LUZP4: variants seen among roughly 807,000 people sequenced by gnomAD.
LUZP4 encodes HOM-TES-85 tumor antigen.
In LUZP4, 11 loss-of-function variants were observed where a neutral mutation model predicts 8.5. The ratio of observed to expected loss-of-function variants is 1.30; its 90% CI spans 0.82 to 2.14. The LOEUF (loss-of-function observed/expected upper bound fraction) is 2.14, where lower values mean the gene tolerates loss of function less well. Among genes scored for constraint, LUZP4 ranks in the 30% most tolerant of loss-of-function variants. The pLI is 0.00. For missense variants in LUZP4, 276 were observed against 229.7 expected, an observed-to-expected ratio of 1.20 and a Z score of -1.30; for synonymous variants, 104 against 79.4, an observed-to-expected ratio of 1.31 and a Z score of -1.65.
intron 3 of LUZP4, 49 bp downstream of exon 3, chrX:115,303,467 A>C: frequency 3.3e-6 from 2 of 601,560 alleles, no homozygotes; most frequent in South Asian, 9.4e-5. Context: ...TACATTTACT[A>C]TATTTCCTAA....
At chrX:115,297,570 T>C (rs782253579) in intron 1 of LUZP4, among the ~76,000 whole-genome samples, 1 of 112,026 alleles carries the variant, frequency 8.9e-6, no homozygotes, top group East Asian at 2.8e-4. Flanking sequence ...CAGCACTTTA[T>C]ATCAGCCCAC....
chrX:115,295,091 A>AT (rs1450911051), intron 1 of LUZP4, among the ~76,000 whole-genome samples: 1 of 111,055 alleles, frequency 9.0e-6, no homozygotes, highest in African/African-American at 3.3e-5. Context: ...CTTTTATTTA[A>AT]TTTTTTGAGA....
At chrX:115,303,763 C>T (rs2073408512) in intron 3 of LUZP4, among the ~76,000 whole-genome samples, 1 of 111,719 alleles carries the variant, frequency 9.0e-6, no homozygotes, top group Non-Finnish European at 1.9e-5. Flanking sequence ...GTTTTAGTAT[C>T]TTTGTGAATG....
rs933199469 is a variant in LUZP4 at position 115,300,404 on chromosome X, C to T, written c.92-1588C>T. ...ATAGCTGATGAGCTAAAAAAAATTG[C>T]AGAAAAAATCTCATAATGTTTTAAG... On this transcript the variant is annotated intron_variant, in intron 1 of 3. Coordinates refer to ENST00000371920, the MANE Select transcript of LUZP4 (RefSeq NM_016383.5). 1.2e-4 allele frequency among the ~76,000 whole-genome samples: 14 copies of T among 112,305 alleles called. No homozygotes were observed. In the Admixed American group the frequency reaches 1.3e-3, roughly 11 times the overall value.
At chrX:115,303,217 A>G in intron 2 of LUZP4, 83 bp from the exon 3 acceptor site, 2 of 550,113 alleles carry the variant, frequency 3.6e-6, no homozygotes, top group Non-Finnish European at 5.8e-6. Flanking sequence ...CATAGCCTTA[A>G]AAAAATGAGA....
At position 115,306,484 on chromosome X, in the gene LUZP4, T is replaced by C; in HGVS notation, c.622T>C (p.Ser208Pro). 2 of 1,207,896 alleles carry C rather than the reference T, an allele frequency of 1.7e-6. No individual in the cohort carries two copies. Among genetic ancestry groups the C allele is most frequent in the Non-Finnish European group, 2.2e-6 (2 of 893,214 alleles). ...TCAATCTGAGAGATCTCATGGCCAC[T>C]CAGAGAGATCTCATGGTCACTCAGA... ...HGQSERSHGH[S>P]ERSHGHSERS... Residue 208 changes from serine (S) to proline (P), a missense_variant, in exon 4 of 4, where the codon TCA becomes CCA. Transcript: ENST00000371920.
Position 115,306,448 on chromosome X carries a change from A to G in LUZP4, c.586A>G (p.Arg196Gly). ...TGAGAGATCTCATGGCCAATACAAG[A>G]GATCTCATGGTCAATCTGAGAGATC... The part of the protein sequence containing the change: ...QYERSHGQYK[R>G]SHGQSERSHG... The change falls in exon 4 of 4, where the codon AGA (arginine) becomes GGA (glycine). Residue 196 changes from arginine (R) to glycine (G), a missense_variant. Physicochemically the swap from Arg to Gly is moderately radical, Grantham distance 125. Transcript: ENST00000371920. 8.3e-7 allele frequency: 1 copy of G among 1,211,727 alleles called. No homozygotes were observed. Among genetic ancestry groups the G allele is most frequent in the Non-Finnish European group, 1.1e-6 (1 of 895,458 alleles).
rs1233674385 is a variant in LUZP4, at chrX:115,306,561, T to C, written c.699T>C (p.Arg233=). The C allele has an allele frequency of 2.5e-6, 3 of 1,206,411 alleles. No homozygotes were observed. The African/African-American group carries it at 5.3e-5, about 21-fold the overall frequency. The stretch of plus-strand genomic sequence containing the variant: ...CTCATGGTCACTCAAAGAGATCTCG[T>C]AGCCAGGGAGATCTTGTGGACACTC... ...ERSHGHSKRS[R]SQGDLVDTQS... is the part of the protein sequence containing the mutation. Residue 233 remains arginine, a synonymous_variant, in exon 4 of 4, where the codon CGT becomes CGC. Transcript: ENST00000371920.
intron 2 of LUZP4, among the ~76,000 whole-genome samples, chrX:115,302,955 A>C (rs1165225664): frequency 8.9e-6 from 1 of 112,458 alleles, no homozygotes; most frequent in Non-Finnish European, 1.9e-5. Flanking sequence ...AAATATTCAC[A>C]TGATTAATAC....
intron 2 of LUZP4, among the ~76,000 whole-genome samples, chrX:115,302,838 T>C (rs2073403797): frequency 8.9e-6 from 1 of 112,569 alleles, no homozygotes; most frequent in Non-Finnish European, 1.9e-5. Flanking sequence ...CCCATTCTTA[T>C]GTGCCTAACC....
Position 115,306,893 on chromosome X carries a change from T to A in LUZP4, c.*89T>A. On this transcript the variant is annotated 3_prime_UTR_variant, in exon 4 of 4. Coordinates refer to ENST00000371920, the MANE Select transcript of LUZP4 (RefSeq NM_016383.5). ...AAATATGTATTTGTTGAAACATGTA[T>A]ATTGGGACAAAGACATAAATATTAG... The A allele has an allele frequency of 1.2e-6, 1 of 855,866 alleles. No homozygotes were observed. The highest frequency in any genetic ancestry group is 1.7e-6 in the Non-Finnish European group (1 of 597,530). The allele number at this position is 855,866 out of a possible 1,213,427, so 70.5% of individuals were successfully genotyped here. A position where few individuals can be genotyped will look rare whatever the true frequency, so the allele number is the denominator to read the frequency against.
chrX:115,305,439 A>C (rs1214365909), intron 3 of LUZP4, among the ~76,000 whole-genome samples: 2 of 112,428 alleles, frequency 1.8e-5, no homozygotes, highest in African/African-American at 6.5e-5. Context: ...GTTAAACTAG[A>C]AAGTCATAAT....
At chrX:115,303,742 A>G (rs782235075) in intron 3 of LUZP4, among the ~76,000 whole-genome samples, 8 of 112,153 alleles carry the variant, frequency 7.1e-5, no homozygotes, top group Non-Finnish European at 1.5e-4. Flanking sequence ...AGCTTAAGTT[A>G]TAATATAAGA....
chrX:115,304,534 C>T (rs1369104937), intron 3 of LUZP4, among the ~76,000 whole-genome samples: 2 of 111,177 alleles, frequency 1.8e-5, no homozygotes, highest in African/African-American at 6.5e-5. Context: ...TTTTTTGAGA[C>T]AGGGTCTCAT....
At chrX:115,298,783 T>C (rs782015952) in intron 1 of LUZP4, among the ~76,000 whole-genome samples, 1 of 112,013 alleles carries the variant, frequency 8.9e-6, no homozygotes, top group East Asian at 2.8e-4. Context: ...TCTCTGTTTT[T>C]CCAGGACTCG....
intron 3 of LUZP4, among the ~76,000 whole-genome samples, chrX:115,305,857 A>T (rs1380277926): frequency 2.7e-5 from 3 of 112,297 alleles, no homozygotes; most frequent in African/African-American, 9.7e-5. Context: ...TTACACTACA[A>T]AATATTCTAT....
chrX:115,299,832 C>A (rs1316443796), intron 1 of LUZP4, among the ~76,000 whole-genome samples: 1 of 111,742 alleles, frequency 8.9e-6, no homozygotes, highest in Non-Finnish European at 1.9e-5. Flanking sequence ...GGAGTCTCAT[C>A]CAAGGCTCTC....
intron 1 of LUZP4, among the ~76,000 whole-genome samples, chrX:115,297,424 T>C (rs1186301100): frequency 8.9e-6 from 1 of 112,200 alleles, no homozygotes; most frequent in African/African-American, 3.2e-5. Context: ...GCACTCCCTT[T>C]AGCATTTTTT....
At chrX:115,297,048 A>G (rs1407962220) in intron 1 of LUZP4, among the ~76,000 whole-genome samples, 1 of 111,790 alleles carries the variant, frequency 8.9e-6, no homozygotes, top group Non-Finnish European at 1.9e-5. Flanking sequence ...TGGAATAAGC[A>G]CATCATGGAG....
Sources: allele counts gnomAD v4.1 joint callset (sites outside exome capture counted in the v4.1 genomes callset), GRCh38; gene constraint gnomAD v4.1.1; transcripts MANE v1.5; gene names NCBI Gene and HGNC (gene_info 2026-07-23, HGNC 2026-07-21).